Variants in CNTNAP3B observed in about 807,000 individuals in gnomAD.
The protein encoded by CNTNAP3B is contactin associated protein family member 3B, also known as contactin-associated protein-like 3B.
CNTNAP3B carries 25 observed loss-of-function variants against 108.9 expected under a neutral mutation model. The ratio of observed to expected loss-of-function variants is 0.23; its 90% CI spans 0.17 to 0.32. The LOEUF (loss-of-function observed/expected upper bound fraction) is 0.32, where lower values mean the gene tolerates loss of function less well. Among genes scored for constraint, CNTNAP3B ranks in the 10% least tolerant of loss-of-function variants. The pLI is 1.00. For synonymous variants in CNTNAP3B, 103 were observed against 473.4 expected, an observed-to-expected ratio of 0.22 and a Z score of 10.16; for missense variants, 252 against 1,210.4, an observed-to-expected ratio of 0.21 and a Z score of 11.75.
At chr9:42,088,905 T>C (rs577837301) in intron 2 of CNTNAP3B, among the ~76,000 whole-genome samples, 262 of 138,632 alleles carry the variant, frequency 1.9e-3, no homozygotes, top group African/African-American at 7.0e-3. Context: ...GAGGGGAATA[T>C]GCAAGAATTT....
intron 11 of CNTNAP3B, among the ~76,000 whole-genome samples, chr9:41,963,757 C>A (rs1019987005): frequency 1.6e-4 from 25 of 151,638 alleles, no homozygotes; most frequent in African/African-American, 5.8e-4. Context: ...GTGGAGCCAA[C>A]CTCCTTAGCT....
chr9:41,951,013 C>T (rs1171084774), intron 13 of CNTNAP3B, among the ~76,000 whole-genome samples: 16 of 105,240 alleles, frequency 1.5e-4, no homozygotes, highest in African/African-American at 4.8e-4. Flanking sequence ...CTCGGCCTCC[C>T]GAAGTGTTGG....
At chr9:42,001,742 A>T (rs1826009814) in intron 4 of CNTNAP3B, among the ~76,000 whole-genome samples, 1 of 124,088 alleles carries the variant, frequency 8.1e-6, no homozygotes, top group Non-Finnish European at 1.7e-5. Context: ...TTTTATATGA[A>T]TTTAGTTTAT....
In CNTNAP3B at chr9:42,127,367, A is replaced by G. The variant is rs537633195; in HGVS notation, c.85+1643T>C. 1.1e-4 allele frequency among the ~76,000 whole-genome samples: 16 copies of G among 139,604 alleles called. 4 individuals are homozygous for G. Among genetic ancestry groups the G allele is most frequent in the Non-Finnish European group, 2.5e-4 (16 of 65,038 alleles). The allele number at this position is 139,604 out of a possible 152,430, so 91.6% of individuals were successfully genotyped here. ...TCCAAGCAAAATAACTATCAATACA[A>G]CTAATCCTGAGAATAAAAAGTAATC... On this transcript the variant is annotated intron_variant, in intron 1 of 23. Coordinates refer to ENST00000377561, the MANE Select transcript of CNTNAP3B (RefSeq NM_001201380.3).
chr9:41,913,680 C>A (rs865782864), intron 18 of CNTNAP3B, among the ~76,000 whole-genome samples: 1 of 137,528 alleles, frequency 7.3e-6, no homozygotes, highest in South Asian at 2.3e-4. Flanking sequence ...CTCCATTGCC[C>A]CCTCATCTCA....
At chr9:41,963,612 C>T (rs1261516229) in intron 11 of CNTNAP3B, among the ~76,000 whole-genome samples, 5 of 151,492 alleles carry the variant, frequency 3.3e-5, no homozygotes, top group Non-Finnish European at 5.9e-5. Flanking sequence ...ACAAGAGACT[C>T]GGGGCCCCAT....
intron 1 of CNTNAP3B, among the ~76,000 whole-genome samples, chr9:42,115,977 G>T (rs1472850201): frequency 1.5e-5 from 2 of 136,992 alleles, no homozygotes; most frequent in Non-Finnish European, 3.1e-5. Flanking sequence ...CTTGAAAAAG[G>T]ATTAGACGAA....
rs1443332280 is a variant in CNTNAP3B, at chr9:41,959,792, G to C, written c.1876+981C>G. Among the ~76,000 whole-genome samples, 8 of 152,424 alleles carry C rather than the reference G, an allele frequency of 5.2e-5. No homozygotes were observed. In the East Asian group the frequency reaches 5.8e-4, roughly 11 times the overall value. On this transcript the variant is annotated intron_variant, in intron 12 of 23. Coordinates refer to ENST00000377561, the MANE Select transcript of CNTNAP3B (RefSeq NM_001201380.3). The stretch of plus-strand genomic sequence containing the variant: ...ATTTGTTTCTTTATCCTTGATGCTT[G>C]CTGACCCATTTGGTTATTGTCCAAA...
At chr9:41,939,900 A>G (rs530374142) in intron 13 of CNTNAP3B, among the ~76,000 whole-genome samples, 6 of 152,072 alleles carry the variant, frequency 3.9e-5, no homozygotes, top group Non-Finnish European at 5.9e-5. Context: ...ATAATACAGA[A>G]GACAACCGAA....
chr9:42,121,529 C>G (rs1301691064), intron 1 of CNTNAP3B, among the ~76,000 whole-genome samples: 3 of 138,426 alleles, frequency 2.2e-5, no homozygotes, highest in Non-Finnish European at 4.6e-5. Context: ...CAAAACAAAA[C>G]AAATTGACAA....
chr9:42,086,227 G>T (rs1827700029), intron 2 of CNTNAP3B, among the ~76,000 whole-genome samples: 1 of 142,004 alleles, frequency 7.0e-6, no homozygotes, highest in Admixed American at 7.0e-5. Flanking sequence ...TCAACTACGA[G>T]AACAGTATGG....
chr9:42,125,665 G>GTTTTTT (rs200934708), intron 1 of CNTNAP3B, among the ~76,000 whole-genome samples: 2 of 118,970 alleles, frequency 1.7e-5, no homozygotes, highest in Non-Finnish European at 1.7e-5. Context: ...TACATTTTTT[G>GTTTTTT]TTTTTTTTTT....
At chr9:41,941,397 AT>A in intron 13 of CNTNAP3B, among the ~76,000 whole-genome samples, 1 of 149,450 alleles carries the variant, frequency 6.7e-6, no homozygotes, top group Non-Finnish European at 1.5e-5. Context: ...AGAAAGCAGA[AT>A]GGCTATCTCA....
At chr9:42,110,550 A>T (rs1442633866) in intron 1 of CNTNAP3B, among the ~76,000 whole-genome samples, 2 of 137,856 alleles carry the variant, frequency 1.5e-5, no homozygotes, top group South Asian at 4.7e-4. Context: ...AAAAAAGAAA[A>T]AAAAAGATTC....
chr9:42,030,813 GGAGAGA>G (rs71274672), intron 3 of CNTNAP3B, among the ~76,000 whole-genome samples: 3 of 65,774 alleles, frequency 4.6e-5, no homozygotes, highest in South Asian at 1.2e-3. Context: ...GAGAGAGAGA[GGAGAGA>G]GAGAGAGAGA....
chr9:41,921,830 C>T (rs1417409494), intron 17 of CNTNAP3B, among the ~76,000 whole-genome samples: 1 of 149,932 alleles, frequency 6.7e-6, no homozygotes, highest in Admixed American at 6.7e-5. Context: ...GGAGTGGGCT[C>T]CTGGAAGCCT....
intron 4 of CNTNAP3B, among the ~76,000 whole-genome samples, chr9:41,999,722 C>A (rs1318311316): frequency 5.2e-5 from 2 of 38,526 alleles, no homozygotes; most frequent in African/African-American, 2.9e-4. Context: ...AACTCCAATG[C>A]TGCCACACTC....
At chr9:41,945,465 A>G (rs1281001794) in intron 13 of CNTNAP3B, among the ~76,000 whole-genome samples, 5 of 152,424 alleles carry the variant, frequency 3.3e-5, no homozygotes, top group Admixed American at 2.0e-4. Flanking sequence ...TGTCCTTTGT[A>G]GGGCCATGGA....
chr9:42,097,391 G>A (rs1827924628), intron 2 of CNTNAP3B, among the ~76,000 whole-genome samples: 1 of 139,666 alleles, frequency 7.2e-6, no homozygotes, highest in African/African-American at 2.8e-5. Context: ...GGTTAATAAA[G>A]ATGCTTTTTA....
Sources: gnomAD v4.1 joint callset for allele counts (sites outside exome capture counted in the v4.1 genomes callset) on GRCh38, gnomAD v4.1.1 for gene constraint, MANE v1.5 for transcripts, NCBI Gene and HGNC (gene_info 2026-07-23, HGNC 2026-07-21) for gene names.